Variants in MUC12 observed in about 807,000 individuals in gnomAD.
MUC12 encodes the protein mucin-12.
Under a neutral mutation model 230.8 loss-of-function variants are expected in MUC12, and 172 were observed. The ratio of observed to expected loss-of-function variants is 0.75; its 90% CI spans 0.66 to 0.85. The LOEUF (loss-of-function observed/expected upper bound fraction) is 0.85, where lower values mean the gene tolerates loss of function less well. MUC12 is among the 40% of genes least tolerant of loss of function. MUC12 has a pLI of 0.00. For synonymous variants in MUC12, 1,259 were observed against 2,401.9 expected (o/e 0.52, Z 13.91); for missense variants, 3,506 against 5,920.6 (o/e 0.59, Z 13.38).
chr7:100,981,006 C>A (rs1319193720), intron 1 of MUC12, among the ~76,000 whole-genome samples: 2 of 152,146 alleles, frequency 1.3e-5, no homozygotes, highest in African/African-American at 2.4e-5. Context: ...AAGTCAACAT[C>A]ACATGAAAAG....
rs1045997845 is a variant in MUC12 at position 101,013,111 on chromosome 7, T to C, written c.15607T>C (p.Cys5203Arg). The C allele has an allele frequency of 3.3e-6, 5 of 1,537,282 alleles. No individual in the cohort carries two copies. Among genetic ancestry groups the C allele is most frequent in the Non-Finnish European group, 4.4e-6 (5 of 1,146,920 alleles). The change falls in exon 8 of 12, where the codon TGT becomes CGT. Residue 5203 changes from cysteine (C) to arginine (R), a missense_variant. Transcript: ENST00000536621. ...KSQMNCNLGT[C>R]QLQRSGPRCL... is the part of the protein sequence containing the mutation. ...GCAAATGAACTGTAACCTGGGCACA[T>C]GTCAGCTGCAACGCAGTGGCCCCCG...
At chr7:101,014,390 G>A in intron 9 of MUC12, 1 of 233,528 alleles carries the variant, frequency 4.3e-6, no homozygotes, top group Non-Finnish European at 8.3e-6. Flanking sequence ...TCAAGGGGCT[G>A]CATCTGGTGA....
Position 101,004,685 on chromosome 7 carries a change from A to G in MUC12, c.14122A>G (p.Ile4708Val), listed in dbSNP as rs755329703. 9.1e-6 allele frequency: 14 copies of G among 1,537,736 alleles called. No homozygotes were observed. In the East Asian group the frequency reaches 1.5e-4, roughly 16 times the overall value. Residue 4708 changes from isoleucine to valine, a missense_variant, in exon 2 of 12, where the codon ATT becomes GTT. Coordinates refer to ENST00000536621, the MANE Select transcript of MUC12 (RefSeq NM_001164462.2). ...LPAHFTTSGR[I>V]AESTTFYISP... Reference sequence around the variant, plus strand: ...TGCCCATTTTACTACCTCAGGCCGCATTGCAGAATCTACCACCTTCTATAT... The same window carrying G: ...TGCCCATTTTACTACCTCAGGCCGCGTTGCAGAATCTACCACCTTCTATAT...
In MUC12 at chr7:100,990,706, C is replaced by A; in HGVS notation, c.143C>A (p.Thr48Asn). 1 of 1,537,908 alleles carries A rather than the reference C, an allele frequency of 6.5e-7. No homozygotes were observed. The highest frequency in any genetic ancestry group is 1.4e-5 in the African/African-American group (1 of 73,146). Residue 48 changes from threonine to asparagine, a missense_variant, in exon 2 of 12, where the codon ACC becomes AAC. Coordinates refer to ENST00000536621, the MANE Select transcript of MUC12 (RefSeq NM_001164462.2). The part of the protein sequence containing the change: ...STPSSSDPFT[T>N]FSDYGVSVTF... ...CCCAGTTCAAGCGACCCTTTTACCA[C>A]CTTTAGTGACTATGGGGTGTCAGTC...
At chr7:100,973,817 G>A (rs1033724978) in intron 1 of MUC12, among the ~76,000 whole-genome samples, 3 of 152,002 alleles carry the variant, frequency 2.0e-5, no homozygotes, top group African/African-American at 7.3e-5. Flanking sequence ...TGCTTTGGGA[G>A]GCCCCAGCCT....
At position 100,992,218 on chromosome 7, in the gene MUC12, C is replaced by A; in HGVS notation, c.1655C>A (p.Ser552Tyr). The change falls in exon 2 of 12, where the codon TCC becomes TAC. Residue 552 changes from serine to tyrosine, a missense_variant. Ser to Tyr is a moderately radical substitution (Grantham distance 144). Transcript: ENST00000536621. The part of the protein sequence containing the change: ...MPGLSQESTA[S>Y]HSSPGPTDTT... ...GGCCTCAGTCAGGAATCTACAGCTT[C>A]CCACAGCAGCCCAGGCCCCACAGAC... The A allele has an allele frequency of 1.3e-6, 2 of 1,537,294 alleles. No individual in the cohort carries two copies. Among genetic ancestry groups the A allele is most frequent in the Non-Finnish European group, 1.7e-6 (2 of 1,146,578 alleles).
At chr7:100,980,190 T>A (rs974214573) in intron 1 of MUC12, among the ~76,000 whole-genome samples, 19 of 152,132 alleles carry the variant, frequency 1.2e-4, no homozygotes, top group African/African-American at 4.3e-4. Context: ...TCTATAGGTG[T>A]GCCACCACAC....
At chr7:101,006,382 G>C in intron 2 of MUC12, 89 bp from the exon 3 acceptor site, 1 of 850,058 alleles carries the variant, frequency 1.2e-6, no homozygotes, top group Non-Finnish European at 1.9e-6. Context: ...TCTCCAGTGC[G>C]ATGCTGAGTG....
In MUC12 at chr7:101,009,117, A is replaced by G. The variant is rs893634281; in HGVS notation, c.15209A>G (p.Asp5070Gly). Residue 5070 changes from aspartate (D) to glycine (G), a missense_variant, in exon 5 of 12, where the codon GAC becomes GGC. Physicochemically the swap from Asp to Gly is moderately conservative, Grantham distance 94 (BLOSUM62 -1). Coordinates refer to ENST00000536621, the MANE Select transcript of MUC12 (RefSeq NM_001164462.2). ...KNRMDVVLKG[D>G]NLPQYRGVNI... Reference sequence around the variant, plus strand: ...CAGATGGATGTCGTTTTGAAGGGCGACAATCTTCCTCAGTATAGAGGGGTG... The same window carrying G: ...CAGATGGATGTCGTTTTGAAGGGCGGCAATCTTCCTCAGTATAGAGGGGTG... The G allele has an allele frequency of 6.5e-7, 1 of 1,537,884 alleles. No homozygotes were observed. Among genetic ancestry groups the G allele is most frequent in the Non-Finnish European group, 8.7e-7 (1 of 1,147,062 alleles).
rs539016444 is a variant in MUC12 at position 100,982,791 on chromosome 7, G to A, written c.68-7840G>A. Among the ~76,000 whole-genome samples, 60 of 152,044 alleles carry A rather than the reference G, an allele frequency of 3.9e-4. 1 individual carries two copies. Among genetic ancestry groups the A allele is most frequent in the African/African-American group, 1.2e-3 (51 of 41,470 alleles). On this transcript the variant is annotated intron_variant, in intron 1 of 11. Transcript: ENST00000536621. ...GTTACCCAAGCTGGAGTGCAGTGGT[G>A]CAATCATAGCTCACTGCAGCCTTGA...
rs778977355 is a variant in MUC12 at position 100,992,495 on chromosome 7, G to C, written c.1932G>C (p.Arg644Ser). 9 of 1,537,902 alleles carry C rather than the reference G, an allele frequency of 5.9e-6. No individual in the cohort carries two copies. The highest frequency in any genetic ancestry group is 1.4e-5 in the African/African-American group (1 of 73,154). ...GCTGGCCAAGCTCAAAGGACACTAG[G>C]CCTGCACCTCCTACTACCACATCAG... ...FHSWPSSKDT[R>S]PAPPTTTSAF... is the part of the protein sequence containing the mutation. Residue 644 changes from arginine to serine, a missense_variant, in exon 2 of 12, where the codon AGG becomes AGC. Arg to Ser is a moderately radical substitution (Grantham distance 110). Transcript: ENST00000536621.
chr7:101,013,221 T>A (rs1194829661), intron 8 of MUC12, 79 bp downstream of exon 8: 1 of 1,486,776 alleles, frequency 6.7e-7, no homozygotes, highest in East Asian at 2.5e-5. Context: ...ACCCACAGGG[T>A]TGGGGGATTG....
rs1793707309 is a variant in MUC12, at chr7:101,004,764, T to TTTTA, written c.14201_14202insTTTA (p.Ser4735LeufsTer11). The stretch of plus-strand genomic sequence containing the variant: ...GCCAGCACTGCCACAACACCAGGCC[T>TTTTA]CAGTGCAAAATCTACCATCCTTTAC... On this transcript the variant is annotated frameshift_variant, in exon 2 of 12. Coordinates refer to ENST00000536621, the MANE Select transcript of MUC12 (RefSeq NM_001164462.2). LOFTEE classifies it high-confidence loss of function. 1.8e-5 allele frequency: 28 copies of TTTTA among 1,537,222 alleles called. No individual in the cohort carries two copies. Among genetic ancestry groups the TTTTA allele is most frequent in the Non-Finnish European group, 2.3e-5 (26 of 1,146,686 alleles).
At position 101,007,660 on chromosome 7, in the gene MUC12, C is replaced by T. The variant is rs140089814; in HGVS notation, c.15059-974C>T. Among the ~76,000 whole-genome samples, 203 of 152,352 alleles carry T rather than the reference C, an allele frequency of 1.3e-3. 1 individual carries two copies. Among genetic ancestry groups the T allele is most frequent in the African/African-American group, 4.7e-3 (197 of 41,578 alleles). On this transcript the variant is annotated intron_variant, in intron 3 of 11. Transcript: ENST00000536621. ...CTCTATCCATTCATCTGTTGATGGACACTTGGGTTGCTTCCAAGTCTTGGC... is the reference window on the plus strand; with the variant it reads ...CTCTATCCATTCATCTGTTGATGGATACTTGGGTTGCTTCCAAGTCTTGGC...
In MUC12 at chr7:101,005,255, A is replaced by T; in HGVS notation, c.14692A>T (p.Thr4898Ser). The T allele has an allele frequency of 6.5e-7, 1 of 1,537,810 alleles. No individual in the cohort carries two copies. Among genetic ancestry groups the T allele is most frequent in the Non-Finnish European group, 8.7e-7 (1 of 1,147,046 alleles). ...CACAGTGTTACCTGCCACCCTCACA[A>T]CCACAGACATTGGTCAGGAATCAAC... Reference protein sequence around the residue: ...THTVLPATLTTTDIGQESTAF... With the variant: ...THTVLPATLTSTDIGQESTAF... Residue 4898 changes from threonine (T) to serine (S), a missense_variant, in exon 2 of 12, where the codon ACC becomes TCC. Physicochemically the swap from Thr to Ser is moderately conservative, Grantham distance 58. Transcript: ENST00000536621.
intron 1 of MUC12, among the ~76,000 whole-genome samples, chr7:100,977,437 C>T (rs1241638418): frequency 2.0e-5 from 3 of 151,302 alleles, no homozygotes; most frequent in African/African-American, 7.3e-5. Flanking sequence ...TGCGATCTCG[C>T]CTCACTGCAA....
At chr7:100,982,111 C>T (rs939241174) in intron 1 of MUC12, among the ~76,000 whole-genome samples, 8 of 152,026 alleles carry the variant, frequency 5.3e-5, no homozygotes, top group Non-Finnish European at 1.2e-4. Context: ...AGGTGATCTG[C>T]CTGCCTTGGT....
chr7:100,992,006 C>A lies in MUC12; in HGVS notation c.1443C>A (p.Pro481=), dbSNP rs201999213. 11 of 1,537,850 alleles carry A rather than the reference C, an allele frequency of 7.2e-6. No individual in the cohort carries two copies. Among genetic ancestry groups the A allele is most frequent in the South Asian group, 2.4e-5 (2 of 84,066 alleles). The part of the protein sequence containing the change: ...SSGSMETTAL[P]GSTTKPGLSE... ...GCTCAATGGAAACCACAGCGTTACC[C>A]GGCAGTACCACAAAACCAGGCCTCA... Residue 481 remains proline (P), a synonymous_variant, in exon 2 of 12, where the codon CCC becomes CCA. Coordinates refer to ENST00000536621, the MANE Select transcript of MUC12 (RefSeq NM_001164462.2).
intron 3 of MUC12, among the ~76,000 whole-genome samples, chr7:101,008,345 TC>T (rs1468815167): frequency 4.7e-5 from 7 of 150,412 alleles, no homozygotes; most frequent in South Asian, 2.1e-4. Flanking sequence ...AGGTAGGTCT[TC>T]CCATCTCCCC....
Sources: gnomAD v4.1 joint callset for allele counts (sites outside exome capture counted in the v4.1 genomes callset) on GRCh38, gnomAD v4.1.1 for gene constraint, MANE v1.5 for transcripts, NCBI Gene and HGNC (gene_info 2026-07-23, HGNC 2026-07-21) for gene names.